Variants in DAPK1 observed in about 807,000 individuals in gnomAD.
DAPK1 encodes death-associated protein kinase 1.
In DAPK1, 56 loss-of-function variants were observed where a neutral mutation model predicts 144.9. That is an observed-to-expected ratio of 0.39 (90% CI 0.31 to 0.48). The LOEUF (loss-of-function observed/expected upper bound fraction) is 0.48. DAPK1 is among the 20% of genes least tolerant of loss of function. The pLI, the probability that DAPK1 is intolerant of heterozygous loss-of-function variation, is 0.95. For synonymous variants in DAPK1, 690 were observed against 749.0 expected (o/e 0.92, Z 1.29); for missense variants, 1,454 against 1,875.4 (o/e 0.78, Z 4.15).
intron 2 of DAPK1, among the ~76,000 whole-genome samples, chr9:87,590,699 C>T (rs1295087909): frequency 6.6e-6 from 1 of 152,136 alleles, no homozygotes; most frequent in Non-Finnish European, 1.5e-5. Context: ...GCCATCCTCT[C>T]ACCTCAGCCT....
At chr9:87,600,130 G>A (rs1444122119) in intron 2 of DAPK1, among the ~76,000 whole-genome samples, 2 of 152,148 alleles carry the variant, frequency 1.3e-5, no homozygotes, top group African/African-American at 4.8e-5. Context: ...GAGCACACTC[G>A]ATTATGGTGT....
rs1457515644 is a variant in DAPK1 at position 87,652,240 on chromosome 9, T to TC, written c.1824+519dup. Among the ~76,000 whole-genome samples the TC allele has an allele frequency of 1.5e-4, 19 of 127,052 alleles. 1 individual carries two copies. Among genetic ancestry groups the TC allele is most frequent in the Middle Eastern group, 5.0e-3 (1 of 200 alleles). The allele number at this position is 127,052 out of a possible 152,430, so 83.4% of individuals were successfully genotyped here. A position where few individuals can be genotyped will look rare whatever the true frequency, so the allele number is the denominator to read the frequency against. ...CCTGATTCTGTGTCCTCCCACCTGATCCCAGGTCCTGATTCTGTGTCCATC... is the reference window on the plus strand; with the variant it reads ...CCTGATTCTGTGTCCTCCCACCTGATCCCCAGGTCCTGATTCTGTGTCCATC... On this transcript the variant is annotated intron_variant, in intron 17 of 25. Coordinates refer to ENST00000408954, the MANE Select transcript of DAPK1 (RefSeq NM_004938.4).
At chr9:87,620,355 C>G (rs1480333052) in intron 3 of DAPK1, among the ~76,000 whole-genome samples, 2 of 152,224 alleles carry the variant, frequency 1.3e-5, no homozygotes, top group Admixed American at 1.3e-4. Context: ...CTTCTTCCCC[C>G]TCCTCAGACT....
chr9:87,578,296 G>A (rs569679338), intron 2 of DAPK1, among the ~76,000 whole-genome samples: 4 of 152,248 alleles, frequency 2.6e-5, no homozygotes, highest in South Asian at 4.1e-4. Context: ...ATTTTTAACC[G>A]AATATTACAT....
intron 14 of DAPK1, among the ~76,000 whole-genome samples, chr9:87,647,681 C>CAG (rs1830318140): frequency 6.6e-6 from 1 of 152,170 alleles, no homozygotes; most frequent in East Asian, 1.9e-4. Flanking sequence ...TACAGACAAC[C>CAG]AGAGAGAGAC....
chr9:87,637,690 A>T lies in DAPK1; in HGVS notation c.285-253A>T, dbSNP rs187368845. On this transcript the variant is annotated intron_variant, in intron 3 of 25. Coordinates refer to ENST00000408954, the MANE Select transcript of DAPK1 (RefSeq NM_004938.4). ...ACTGATATTTTCTTCACAGCATTTC[A>T]TCTCTGCCCCTCCTCTCATTTGTGA... Among the ~76,000 whole-genome samples, 26 of 152,316 alleles carry T rather than the reference A, an allele frequency of 1.7e-4. No individual in the cohort carries two copies. In the East Asian group the frequency reaches 1.7e-3, roughly 10 times the overall value.
chr9:87,652,189 C>T lies in DAPK1; in HGVS notation c.1824+465C>T, dbSNP rs571011801. On this transcript the variant is annotated intron_variant, in intron 17 of 25. Coordinates refer to ENST00000408954, the MANE Select transcript of DAPK1 (RefSeq NM_004938.4). ...TCCCACCTGATCCCAGGTCCTGATT[C>T]TGTGTCCATCCCCCCGATCCCGGGT... 1.9e-3 allele frequency among the ~76,000 whole-genome samples: 259 copies of T among 138,964 alleles called. 4 individuals are homozygous for T. The highest frequency in any genetic ancestry group is 6.7e-3 in the African/African-American group (238 of 35,610). The allele number at this position is 138,964 out of a possible 152,430, so 91.2% of individuals were successfully genotyped here. A position where few individuals can be genotyped will look rare whatever the true frequency, so the allele number is the denominator to read the frequency against.
intron 18 of DAPK1, among the ~76,000 whole-genome samples, chr9:87,663,532 A>G (rs1830938412): frequency 6.6e-6 from 1 of 152,068 alleles, no homozygotes; most frequent in African/African-American, 2.4e-5. Context: ...GGATATCCCC[A>G]GGACTGGGCA....
At chr9:87,504,035 C>G (rs1013383139) in intron 2 of DAPK1, among the ~76,000 whole-genome samples, 5 of 152,158 alleles carry the variant, frequency 3.3e-5, no homozygotes, top group African/African-American at 9.7e-5. Context: ...GGAGTCAGTC[C>G]TATGAATAAT....
chr9:87,554,686 G>A (rs1325695771), intron 2 of DAPK1, among the ~76,000 whole-genome samples: 2 of 152,130 alleles, frequency 1.3e-5, no homozygotes, highest in Non-Finnish European at 1.5e-5. Flanking sequence ...TAGGGAGATC[G>A]CTGATCTCCA....
intron 21 of DAPK1, 28 bp from the exon 22 acceptor site, chr9:87,696,979 G>A (rs756402253): frequency 2.2e-5 from 27 of 1,206,500 alleles, no homozygotes; most frequent in South Asian, 4.8e-5. Context: ...GGTGTTTCAC[G>A]ATTGTTATCA....
chr9:87,551,257 C>G (rs561574812), intron 2 of DAPK1, among the ~76,000 whole-genome samples: 1 of 152,186 alleles, frequency 6.6e-6, no homozygotes, highest in Non-Finnish European at 1.5e-5. Context: ...AAGTGATTCT[C>G]CTGCCTCAGC....
intron 25 of DAPK1, among the ~76,000 whole-genome samples, chr9:87,703,867 G>C (rs574082553): frequency 6.6e-5 from 10 of 152,350 alleles, no homozygotes; most frequent in African/African-American, 2.2e-4. Flanking sequence ...TCCCAGGAAC[G>C]GGGGCAGTGC....
At chr9:87,633,058 A>C (rs1019825540) in intron 3 of DAPK1, 1 of 977,714 alleles carries the variant, frequency 1.0e-6, no homozygotes, top group South Asian at 4.8e-5. Flanking sequence ...GTATATATGT[A>C]AGATGAAGGA....
At chr9:87,649,190 A>G (rs36213694) in intron 15 of DAPK1, among the ~76,000 whole-genome samples, 5,346 of 152,226 alleles carry the variant, frequency 0.035, 244 homozygotes, top group African/African-American at 0.11. Context: ...AGTTTCTGTA[A>G]CTTTCCCAGG....
intron 3 of DAPK1, among the ~76,000 whole-genome samples, chr9:87,614,861 C>T (rs1006776025): frequency 2.0e-5 from 3 of 152,168 alleles, no homozygotes; most frequent in Non-Finnish European, 4.4e-5. Flanking sequence ...AGGCTCCACT[C>T]AAACCTTCCA....
chr9:87,606,131 CCTT>C (rs947806438), intron 3 of DAPK1, among the ~76,000 whole-genome samples: 4 of 152,200 alleles, frequency 2.6e-5, no homozygotes, highest in African/African-American at 9.7e-5. Flanking sequence ...CCAACGGCCT[CCTT>C]CTTTGCAGAT....
In DAPK1 at chr9:87,604,174, G is replaced by C. The variant is rs188963743; in HGVS notation, c.63-780G>C. Among the ~76,000 whole-genome samples, 33 of 152,254 alleles carry C rather than the reference G, an allele frequency of 2.2e-4. No homozygotes were observed. In the East Asian group the frequency reaches 4.5e-3, roughly 21 times the overall value. On this transcript the variant is annotated intron_variant, in intron 2 of 25. Transcript: ENST00000408954. ...AAGACAGTTGGCAGCGGCTTTGAGG[G>C]GGGGGTTCTGTCACACTCAAAAGAG...
chr9:87,574,658 G>A (rs938015119), intron 2 of DAPK1, among the ~76,000 whole-genome samples: 8 of 152,310 alleles, frequency 5.3e-5, no homozygotes, highest in African/African-American at 1.9e-4. Flanking sequence ...GGTGGCTCCC[G>A]CCTGTAATCC....
Sources: gnomAD v4.1 joint callset for allele counts (sites outside exome capture counted in the v4.1 genomes callset) on GRCh38, gnomAD v4.1.1 for gene constraint, MANE v1.5 for transcripts, NCBI Gene and HGNC (gene_info 2026-07-23, HGNC 2026-07-21) for gene names.